COL13A1: variants seen among roughly 807,000 people sequenced by gnomAD.
COL13A1 encodes the protein collagen alpha-1(XIII) chain.
In COL13A1, 89 loss-of-function variants were observed where a neutral mutation model predicts 130.9. That is an observed-to-expected ratio of 0.68 (90% CI 0.57 to 0.81). COL13A1 has a LOEUF of 0.81. Among genes scored for constraint, COL13A1 ranks in the 30% least tolerant of loss-of-function variants. COL13A1 has a pLI of 0.00. For synonymous variants in COL13A1, 402 were observed against 341.6 expected, an observed-to-expected ratio of 1.18 and a Z score of -1.95; for missense variants, 879 against 934.6, an observed-to-expected ratio of 0.94 and a Z score of 0.78.
At chr10:69,946,255 C>T (rs2068515501) in intron 37 of COL13A1, among the ~76,000 whole-genome samples, 1 of 152,244 alleles carries the variant, frequency 6.6e-6, no homozygotes, top group South Asian at 2.1e-4. Flanking sequence ...GCCATGGGGA[C>T]CCTGTAATGG....
intron 27 of COL13A1, 94 bp from the exon 28 acceptor site, chr10:69,928,843 T>C (rs1244388105): frequency 1.2e-5 from 10 of 847,926 alleles, no homozygotes; most frequent in Non-Finnish European, 1.9e-5. Context: ...AAACAACTTA[T>C]CTGTACAAGC....
At chr10:69,842,342 T>C (rs925923438) in intron 2 of COL13A1, among the ~76,000 whole-genome samples, 1 of 152,236 alleles carries the variant, frequency 6.6e-6, no homozygotes, top group Non-Finnish European at 1.5e-5. Flanking sequence ...AAACCTCTTT[T>C]TCTTTATAAA....
At chr10:69,826,428 G>T (rs1467868309) in intron 2 of COL13A1, among the ~76,000 whole-genome samples, 2 of 152,238 alleles carry the variant, frequency 1.3e-5, no homozygotes, top group South Asian at 2.1e-4. Flanking sequence ...TGGCATGGGG[G>T]TGATGTGGTC....
intron 13 of COL13A1, 50 bp from the exon 14 acceptor site, chr10:69,898,647 G>A (rs1474743062): frequency 6.4e-7 from 1 of 1,555,818 alleles, no homozygotes; most frequent in East Asian, 2.3e-5. Flanking sequence ...CTGAATACCT[G>A]TGATCTTTGG....
chr10:69,896,663 G>A (rs1357369491), intron 13 of COL13A1, among the ~76,000 whole-genome samples: 1 of 152,222 alleles, frequency 6.6e-6, no homozygotes, highest in Non-Finnish European at 1.5e-5. Context: ...CCCTCAGGAA[G>A]CTGGAAGGCA....
In COL13A1 at chr10:69,822,428, C is replaced by T. The variant is rs745790585; in HGVS notation, c.354C>T (p.Asn118=). ...REAPKTSPGC[N]CPPGPPGPTG... ...CCCCAAAGACATCTCCAGGATGTAA[C>T]TGCCCACCAGGTAAGCAGCCCTGCA... Residue 118 remains asparagine (N), a synonymous_variant, in exon 2 of 41, where the codon AAC becomes AAT. Transcript: ENST00000645393. 1.9e-5 allele frequency: 31 copies of T among 1,592,414 alleles called. 1 individual carries two copies. The South Asian group carries it at 3.2e-4, about 17-fold the overall frequency.
intron 1 of COL13A1, among the ~76,000 whole-genome samples, chr10:69,810,310 A>T (rs1842621904): frequency 6.7e-6 from 1 of 149,062 alleles, no homozygotes; most frequent in African/African-American, 2.5e-5. Context: ...TCCTCGGGTG[A>T]TCGTGTTCTG....
At chr10:69,909,554 T>C (rs1423684993) in intron 17 of COL13A1, among the ~76,000 whole-genome samples, 1 of 152,184 alleles carries the variant, frequency 6.6e-6, no homozygotes, top group Non-Finnish European at 1.5e-5. Flanking sequence ...GCTGGGACCC[T>C]TATCTTGCCA....
intron 2 of COL13A1, among the ~76,000 whole-genome samples, chr10:69,831,752 T>G (rs939641814): frequency 1.3e-5 from 2 of 152,226 alleles, no homozygotes; most frequent in African/African-American, 4.8e-5. Flanking sequence ...GCTTCAGGAC[T>G]TGCAATACCC....
intron 17 of COL13A1, among the ~76,000 whole-genome samples, chr10:69,907,115 A>G (rs187480858): frequency 6.6e-6 from 1 of 152,374 alleles, no homozygotes; most frequent in African/African-American, 2.4e-5. Flanking sequence ...AATTTGAGCA[A>G]AGACCCAGAA....
chr10:69,865,132 C>T (rs1019434367), intron 2 of COL13A1, among the ~76,000 whole-genome samples: 8 of 152,178 alleles, frequency 5.3e-5, no homozygotes, highest in Non-Finnish European at 1.5e-5. Context: ...ATGCCGGTCT[C>T]ACCGCCATCA....
At position 69,841,433 on chromosome 10, in the gene COL13A1, G is replaced by A. The variant is rs185012900; in HGVS notation, c.364+18995G>A. ...TCTGTGTCTTCCCAGCACCTGGCAC[G>A]GAATAAATGCTCTTCAATAATCATT... On this transcript the variant is annotated intron_variant, in intron 2 of 40. Coordinates refer to ENST00000645393, the MANE Select transcript of COL13A1 (RefSeq NM_001368882.1). Among the ~76,000 whole-genome samples the A allele has an allele frequency of 3.4e-4, 52 of 152,290 alleles. 1 individual carries two copies. Among genetic ancestry groups the A allele is most frequent in the African/African-American group, 1.1e-3 (44 of 41,556 alleles).
chr10:69,940,129 G>A (rs907645710), intron 34 of COL13A1, among the ~76,000 whole-genome samples: 3 of 151,648 alleles, frequency 2.0e-5, no homozygotes, highest in Admixed American at 6.6e-5. Context: ...GTTGGAACAG[G>A]AGTGCCACCC....
At chr10:69,893,294 G>T (rs1292415872) in intron 10 of COL13A1, among the ~76,000 whole-genome samples, 1 of 152,258 alleles carries the variant, frequency 6.6e-6, no homozygotes, top group Admixed American at 6.5e-5. Context: ...AGAGGCTGCA[G>T]TGAGCGGAGA....
intron 1 of COL13A1, among the ~76,000 whole-genome samples, chr10:69,808,105 C>T (rs532594362): frequency 3.3e-5 from 5 of 152,236 alleles, no homozygotes; most frequent in South Asian, 2.1e-4. Context: ...AGAGCTCTGC[C>T]GCTTCTCCAA....
At position 69,872,193 on chromosome 10, in the gene COL13A1, G is replaced by T; in HGVS notation, c.382G>T (p.Gly128Ter). 8 of 1,614,050 alleles carry T rather than the reference G, an allele frequency of 5.0e-6. No individual in the cohort carries two copies. The highest frequency in any genetic ancestry group is 6.8e-6 in the Non-Finnish European group (8 of 1,179,904). ...TCACTCTTCATTTCAGGGTCCCACT[G>T]GAAGACCCGGACTCCCAGTAAGTCA... Reference protein sequence around the residue: ...NCPPGPPGPTGRPGLPGDKGA... With the variant: ...NCPPGPPGPT The change falls in exon 4 of 41, where the codon GGA becomes TGA. Residue 128 changes from glycine to a stop codon, truncating the protein, a stop_gained. Transcript: ENST00000645393. LOFTEE classifies it high-confidence loss of function.
chr10:69,802,800 G>T (rs192017721), intron 1 of COL13A1, 83 bp downstream of exon 1: 2 of 1,548,538 alleles, frequency 1.3e-6, no homozygotes, highest in Non-Finnish European at 1.8e-6. Flanking sequence ...CGGTGTCCGC[G>T]GGCGCTCGCT....
chr10:69,894,215 G>C (rs903504950), intron 10 of COL13A1, among the ~76,000 whole-genome samples: 1 of 152,230 alleles, frequency 6.6e-6, no homozygotes, highest in South Asian at 2.1e-4. Flanking sequence ...GTCTCCCAGA[G>C]GCTTGATGCA....
chr10:69,847,704 G>T (rs1352378055), intron 2 of COL13A1, among the ~76,000 whole-genome samples: 1 of 152,218 alleles, frequency 6.6e-6, no homozygotes, highest in Non-Finnish European at 1.5e-5. Context: ...GCGTTTGCTG[G>T]CGGAGGGATT....
Sources: gnomAD v4.1 joint callset for allele counts (sites outside exome capture counted in the v4.1 genomes callset) on GRCh38, gnomAD v4.1.1 for gene constraint, MANE v1.5 for transcripts, NCBI Gene and HGNC (gene_info 2026-07-23, HGNC 2026-07-21) for gene names.